Variants in TCTN3 observed in about 807,000 individuals in gnomAD.
The protein encoded by TCTN3 is tectonic family member 3.
A neutral mutation model predicts 71.3 loss-of-function variants in TCTN3; 57 were observed. That is an observed-to-expected ratio of 0.80 (90% confidence interval 0.65 to 1.00). The LOEUF (loss-of-function observed/expected upper bound fraction) is 1.00, where lower values mean the gene tolerates loss of function less well. Among genes scored for constraint, TCTN3 ranks in the 50% least tolerant of loss-of-function variants. The pLI is 0.00. For synonymous variants in TCTN3, 258 were observed against 267.8 expected (o/e 0.96, Z 0.36); for missense variants, 696 against 719.9 (o/e 0.97, Z 0.38).
Position 95,693,675 on chromosome 10 carries a change from G to C in TCTN3, c.225C>G (p.Ala75=). 1 of 1,551,672 alleles carries C rather than the reference G, an allele frequency of 6.4e-7. No homozygotes were observed. The highest frequency in any genetic ancestry group is 1.7e-4 in the Middle Eastern group (1 of 5,992). The change falls in exon 1 of 14, where the codon GCC becomes GCG. Residue 75 remains alanine, a synonymous_variant. Transcript: ENST00000371217. ...TVVPTLVTPS[A]PGNRTVDLFP... is the part of the protein sequence containing the mutation. Reference sequence around the variant, plus strand: ...AGAGGTCCACAGTCCTATTCCCAGGGGCCGAGGGAGTCACGAGAGTAGGGA... The same window carrying C: ...AGAGGTCCACAGTCCTATTCCCAGGCGCCGAGGGAGTCACGAGAGTAGGGA...
intron 3 of TCTN3, among the ~76,000 whole-genome samples, chr10:95,691,452 C>T (rs2097953443): frequency 6.6e-6 from 1 of 152,198 alleles, no homozygotes; most frequent in African/African-American, 2.4e-5. Flanking sequence ...CGCGTCAGGC[C>T]ACAACCTTAT....
chr10:95,663,671 C>A lies in TCTN3; in HGVS notation c.*396G>T. ...TCTACAGTCCAGAGGGAAGCTATTC[C>A]TGAGTTCATTCAAGGTGACAGCAGA... On this transcript the variant is annotated 3_prime_UTR_variant, in exon 14 of 14. Coordinates refer to ENST00000371217, the MANE Select transcript of TCTN3 (RefSeq NM_015631.6). The A allele has an allele frequency of 5.2e-6, 1 of 193,208 alleles. No homozygotes were observed. The highest frequency in any genetic ancestry group is 1.1e-5 in the Non-Finnish European group (1 of 92,168). The allele number at this position is 193,208 out of a possible 1,614,324, so 12.0% of individuals were successfully genotyped here.
Position 95,686,548 on chromosome 10 carries a change from A to C in TCTN3, c.853-18T>G. On this transcript the variant is annotated intron_variant, in intron 6 of 13. Coordinates refer to ENST00000371217, the MANE Select transcript of TCTN3 (RefSeq NM_015631.6). The stretch of plus-strand genomic sequence containing the variant: ...CTTGGAACCTAGGAGAACAGCAGGG[A>C]CATGAATGTGCATATACCTTACCAA... 3 of 1,613,922 alleles carry C rather than the reference A, an allele frequency of 1.9e-6. No individual in the cohort carries two copies. The highest frequency in any genetic ancestry group is 2.5e-6 in the Non-Finnish European group (3 of 1,179,860).
chr10:95,682,634 T>C lies in TCTN3; in HGVS notation c.1452+17A>G, dbSNP rs376162804. 51 of 1,606,274 alleles carry C rather than the reference T, an allele frequency of 3.2e-5. No individual in the cohort carries two copies. Among genetic ancestry groups the C allele is most frequent in the Non-Finnish European group, 4.0e-5 (47 of 1,177,360 alleles). On this transcript the variant is annotated intron_variant, in intron 12 of 13. Coordinates refer to ENST00000371217, the MANE Select transcript of TCTN3 (RefSeq NM_015631.6). ...GTAAAAATGAGTCTTCATCAGAAAG[T>C]ATATTTCTCTCCTTACTGAAATGCT...
At chr10:95,667,175 CA>C (rs1319454990) in intron 13 of TCTN3, among the ~76,000 whole-genome samples, 1 of 152,054 alleles carries the variant, frequency 6.6e-6, no homozygotes, top group African/African-American at 2.4e-5. Flanking sequence ...CCCCACATGA[CA>C]AAAATTGTTC....
chr10:95,683,760 T>A, intron 9 of TCTN3, 131 bp from the exon 10 acceptor site: 1 of 665,164 alleles, frequency 1.5e-6, no homozygotes, highest in Admixed American at 3.3e-5. Flanking sequence ...CAATCTGGCT[T>A]CTTTCCACAG....
At chr10:95,666,933 TTG>T (rs1466656718) in intron 13 of TCTN3, among the ~76,000 whole-genome samples, 1 of 152,220 alleles carries the variant, frequency 6.6e-6, no homozygotes, top group Non-Finnish European at 1.5e-5. Context: ...AAACTGATAT[TTG>T]ATTATCTTTA....
At chr10:95,667,191 T>G (rs1240980059) in intron 13 of TCTN3, among the ~76,000 whole-genome samples, 1 of 152,116 alleles carries the variant, frequency 6.6e-6, no homozygotes, top group Non-Finnish European at 1.5e-5. Context: ...TTGTTCGAAC[T>G]GAGTTGTTCT....
chr10:95,673,861 A>G (rs967021891), intron 13 of TCTN3, among the ~76,000 whole-genome samples: 1 of 152,194 alleles, frequency 6.6e-6, no homozygotes, highest in African/African-American at 2.4e-5. Context: ...GTAAATAGAT[A>G]CATACTTTTT....
intron 6 of TCTN3, among the ~76,000 whole-genome samples, 159 bp from the exon 7 acceptor site, chr10:95,686,689 A>G (rs889580564): frequency 6.6e-6 from 1 of 152,136 alleles, no homozygotes; most frequent in African/African-American, 2.4e-5. Context: ...TCTTCTTTAC[A>G]CTAAAATGCC....
intron 2 of TCTN3, 76 bp from the exon 3 acceptor site, chr10:95,693,114 C>A (rs2097955183): frequency 3.1e-6 from 4 of 1,283,006 alleles, no homozygotes; most frequent in South Asian, 1.3e-5. Context: ...CCAGCAATAT[C>A]GGCCAGATGA....
At chr10:95,683,974 T>C (rs1456583136) in intron 9 of TCTN3, among the ~76,000 whole-genome samples, 3 of 151,924 alleles carry the variant, frequency 2.0e-5, no homozygotes, top group African/African-American at 4.8e-5. Flanking sequence ...AAAAAATATA[T>C]ATTTTAATTA....
rs143647620 is a variant in TCTN3 at position 95,682,739 on chromosome 10, C to A, written c.1364G>T (p.Arg455Ile). ...EIYQTLHGRP[R>I]PEYVAIFGNA... is the part of the protein sequence containing the mutation. Reference sequence around the variant, plus strand: ...ACCAAAGATGGCAACATACTCTGGTCTGGGCCTTCCATGAAGAGTCTGATA... The same window carrying A: ...ACCAAAGATGGCAACATACTCTGGTATGGGCCTTCCATGAAGAGTCTGATA... The change falls in exon 12 of 14, where the codon AGA becomes ATA. Residue 455 changes from arginine to isoleucine, a missense_variant. By Grantham distance (97) the Arg-to-Ile change is moderately conservative. Transcript: ENST00000371217. 2 of 1,614,070 alleles carry A rather than the reference C, an allele frequency of 1.2e-6. No individual in the cohort carries two copies. The highest frequency in any genetic ancestry group is 2.7e-5 in the African/African-American group (2 of 74,920).
intron 13 of TCTN3, among the ~76,000 whole-genome samples, chr10:95,679,366 A>C (rs1160507179): frequency 1.3e-5 from 2 of 152,152 alleles, no homozygotes; most frequent in Non-Finnish European, 1.5e-5. Flanking sequence ...TGTTGACCCC[A>C]TTTCTAGGCA....
chr10:95,669,430 T>G (rs1443555421), intron 13 of TCTN3, among the ~76,000 whole-genome samples: 4 of 152,166 alleles, frequency 2.6e-5, no homozygotes, highest in African/African-American at 4.8e-5. Context: ...AACCTCCACA[T>G]CTACATAGCC....
chr10:95,689,601 AAATG>A (rs1305182183), intron 3 of TCTN3, among the ~76,000 whole-genome samples: 1 of 152,254 alleles, frequency 6.6e-6, no homozygotes, highest in Non-Finnish European at 1.5e-5. Context: ...TTCATGGCTT[AAATG>A]AATAAGAGAA....
rs1029754706 is a variant in TCTN3, at chr10:95,693,842, C to G, written c.58G>C (p.Val20Leu). The change falls in exon 1 of 14, where the codon GTC becomes CTC. Residue 20 changes from valine to leucine, a missense_variant. Val to Leu is a conservative substitution (Grantham distance 32). Coordinates refer to ENST00000371217, the MANE Select transcript of TCTN3 (RefSeq NM_015631.6). ...GGGGAGGAAGAGGGCTGAGGCCGGACGCCATCGGGGAACACCAGAAAGAAC... is the reference window on the plus strand; with the variant it reads ...GGGGAGGAAGAGGGCTGAGGCCGGAGGCCATCGGGGAACACCAGAAAGAAC... ...QVFFLVFPDG[V>L]RPQPSSSPSG... The G allele has an allele frequency of 1.3e-6, 2 of 1,551,566 alleles. No homozygotes were observed. The highest frequency in any genetic ancestry group is 2.7e-5 in the African/African-American group (2 of 73,040).
At chr10:95,664,749 C>T (rs772280641) in intron 13 of TCTN3, among the ~76,000 whole-genome samples, 1 of 152,156 alleles carries the variant, frequency 6.6e-6, no homozygotes, top group Non-Finnish European at 1.5e-5. Flanking sequence ...AGGATCCTTC[C>T]ACCACCCACC....
At position 95,663,805 on chromosome 10, in the gene TCTN3, C is replaced by A. The variant is rs1271604781; in HGVS notation, c.*262G>T. Reference sequence around the variant, plus strand: ...TAACCAGAAAGGCTGAAGGAAGGCTCTTGGCCTTCCCAGCTTGAGAAGTAG... The same window carrying A: ...TAACCAGAAAGGCTGAAGGAAGGCTATTGGCCTTCCCAGCTTGAGAAGTAG... On this transcript the variant is annotated 3_prime_UTR_variant, in exon 14 of 14. Transcript: ENST00000371217. 7.6e-6 allele frequency: 3 copies of A among 392,390 alleles called. No homozygotes were observed. The highest frequency in any genetic ancestry group is 1.4e-5 in the Non-Finnish European group (3 of 214,166). The allele number at this position is 392,390 out of a possible 1,614,324, so 24.3% of individuals were successfully genotyped here.
Sources: allele counts gnomAD v4.1 joint callset (sites outside exome capture counted in the v4.1 genomes callset), GRCh38; gene constraint gnomAD v4.1.1; transcripts MANE v1.5; gene names NCBI Gene and HGNC (gene_info 2026-07-23, HGNC 2026-07-21).